Variants in ADGRB3 observed in about 807,000 individuals in gnomAD.
The protein encoded by ADGRB3 is adhesion G protein-coupled receptor B3.
In ADGRB3, 37 loss-of-function variants were observed where a neutral mutation model predicts 193.4. The ratio of observed to expected loss-of-function variants is 0.19; its 90% CI spans 0.15 to 0.25. ADGRB3 has a LOEUF of 0.25. Ranked by LOEUF, ADGRB3 falls within the 10% of genes least tolerant of loss-of-function variation. The probability of loss-of-function intolerance (pLI) is 1.00; values close to 1 mark genes in which losing one functional copy is unlikely to be tolerated. For missense variants in ADGRB3, 1,637 were observed against 1,852.9 expected (o/e 0.88, Z 2.14); for synonymous variants, 690 against 644.2 (o/e 1.07, Z -1.08).
Position 68,958,541 on chromosome 6 carries a change from A to G in ADGRB3, c.1525+1732A>G, listed in dbSNP as rs928196344. On this transcript the variant is annotated intron_variant, in intron 8 of 31. Coordinates refer to ENST00000370598, the MANE Select transcript of ADGRB3 (RefSeq NM_001704.3). ...AGCCAAGATAGTACTGCTGCAATCA[A>G]ATTTACAGAGATTGCCACCTGCTGT... Among the ~76,000 whole-genome samples the G allele has an allele frequency of 3.9e-5, 6 of 152,218 alleles. No individual in the cohort carries two copies. In the East Asian group the frequency reaches 9.7e-4, roughly 25 times the overall value.
chr6:68,856,461 G>A (rs1038549128), intron 3 of ADGRB3, among the ~76,000 whole-genome samples: 1 of 152,194 alleles, frequency 6.6e-6, no homozygotes, highest in Non-Finnish European at 1.5e-5. Flanking sequence ...GTCTCAGGTG[G>A]AGATGCAGAA....
chr6:68,642,456 C>A (rs1214642297), intron 3 of ADGRB3, among the ~76,000 whole-genome samples: 1 of 152,064 alleles, frequency 6.6e-6, no homozygotes, highest in Non-Finnish European at 1.5e-5. Flanking sequence ...TATTCATGTA[C>A]TGAAAAATTT....
At chr6:68,908,815 C>A (rs1766619186) in intron 3 of ADGRB3, among the ~76,000 whole-genome samples, 1 of 152,120 alleles carries the variant, frequency 6.6e-6, no homozygotes, top group South Asian at 2.1e-4. Context: ...AACTAATCCA[C>A]TTCTGTATTT....
rs1253156516 is a variant in ADGRB3, at chr6:69,031,032, CTCTTCTCTCTTCTCT to C, written c.2107+12537_2107+12551del. 4.7e-4 allele frequency among the ~76,000 whole-genome samples: 18 copies of C among 38,134 alleles called. 2 individuals are homozygous for C. The highest frequency in any genetic ancestry group is 2.3e-3 in the African/African-American group (17 of 7,468). The allele number at this position is 38,134 out of a possible 152,430, so 25.0% of individuals were successfully genotyped here. On this transcript the variant is annotated intron_variant, in intron 13 of 31. Transcript: ENST00000370598. Reference sequence around the variant, plus strand: ...TTTCTTTTCTTTTTTTTTTCCTCTTCTCTTCTCTCTTCTCTTCTCTTCTCTTCTCTTCTCTTCTCT... The same window carrying C: ...TTTCTTTTCTTTTTTTTTTCCTCTTCTCTCTTCTCTTCTCTTCTCTTCTCT...
chr6:68,852,120 A>T (rs1349916669), intron 3 of ADGRB3, among the ~76,000 whole-genome samples: 5 of 151,858 alleles, frequency 3.3e-5, no homozygotes, highest in Non-Finnish European at 7.4e-5. Flanking sequence ...TTTACAATTT[A>T]TATTTCCTCT....
intron 3 of ADGRB3, among the ~76,000 whole-genome samples, chr6:68,761,584 C>A (rs1247689549): frequency 6.6e-6 from 1 of 151,308 alleles, no homozygotes; most frequent in Admixed American, 6.6e-5. Context: ...CTGCTACGTT[C>A]CAAAATATGC....
intron 29 of ADGRB3, among the ~76,000 whole-genome samples, chr6:69,369,695 C>CAAAA (rs913608447): frequency 3.4e-5 from 2 of 59,516 alleles, no homozygotes; most frequent in Admixed American, 1.5e-4. Flanking sequence ...AAGACCATTT[C>CAAAA]AAAAAAAAAA....
At chr6:68,677,114 G>C (rs1031257873) in intron 3 of ADGRB3, among the ~76,000 whole-genome samples, 1 of 152,064 alleles carries the variant, frequency 6.6e-6, no homozygotes, top group Admixed American at 6.6e-5. Flanking sequence ...ATTACTATTT[G>C]GCAAGAATAC....
intron 10 of ADGRB3, 73 bp downstream of exon 10, chr6:68,975,413 T>C (rs868798731): frequency 2.6e-6 from 3 of 1,150,922 alleles, no homozygotes; most frequent in Middle Eastern, 3.9e-4. Flanking sequence ...GAATTTAACC[T>C]TCTGCTGTAC....
chr6:69,015,497 G>A (rs551334381), intron 12 of ADGRB3, among the ~76,000 whole-genome samples: 7 of 152,114 alleles, frequency 4.6e-5, no homozygotes, highest in African/African-American at 1.7e-4. Context: ...TTTACTAAAA[G>A]GCGGTGTCAT....
At chr6:69,265,199 G>A (rs181722486) in intron 20 of ADGRB3, among the ~76,000 whole-genome samples, 5 of 151,990 alleles carry the variant, frequency 3.3e-5, no homozygotes, top group Admixed American at 6.6e-5. Flanking sequence ...AATTTTGGAG[G>A]GTGAGTTCAG....
chr6:69,371,235 T>G (rs1022137314), intron 29 of ADGRB3, among the ~76,000 whole-genome samples: 6 of 152,186 alleles, frequency 3.9e-5, no homozygotes, highest in African/African-American at 1.4e-4. Context: ...GTTTGGGGAT[T>G]AGGTATACAG....
rs1770144239 is a variant in ADGRB3 at position 69,389,409 on chromosome 6, T to C, written c.*518T>C. ...AATAATATATTTCACATCTTTATTA[T>C]TGCAGTTTTCTCTAGAAAGCTCTGA... is the stretch of plus-strand genomic sequence containing the variant. On this transcript the variant is annotated 3_prime_UTR_variant, in exon 32 of 32. Transcript: ENST00000370598. The C allele has an allele frequency of 6.6e-6, 1 of 152,624 alleles. No homozygotes were observed. Among genetic ancestry groups the C allele is most frequent in the South Asian group, 2.1e-4 (1 of 4,834 alleles). The allele number at this position is 152,624 out of a possible 1,614,324, so 9.5% of individuals were successfully genotyped here.
chr6:69,358,982 G>C (rs1264649881), intron 28 of ADGRB3, among the ~76,000 whole-genome samples: 1 of 151,234 alleles, frequency 6.6e-6, no homozygotes, highest in East Asian at 1.9e-4. Flanking sequence ...AAATGTGTTG[G>C]CTATAATTAT....
intron 17 of ADGRB3, among the ~76,000 whole-genome samples, chr6:69,101,143 C>A (rs570336199): frequency 6.6e-6 from 1 of 151,888 alleles, no homozygotes; most frequent in East Asian, 1.9e-4. Context: ...TTAGTGGTTT[C>A]TGTGATGTCT....
At chr6:68,801,975 C>A (rs1053939195) in intron 3 of ADGRB3, among the ~76,000 whole-genome samples, 2 of 151,970 alleles carry the variant, frequency 1.3e-5, no homozygotes, top group African/African-American at 4.8e-5. Flanking sequence ...TGAAGCTGAC[C>A]CCAAAAAATT....
intron 17 of ADGRB3, among the ~76,000 whole-genome samples, chr6:69,108,386 T>G (rs1185469028): frequency 8.6e-6 from 1 of 115,734 alleles, no homozygotes; most frequent in Non-Finnish European, 1.9e-5. Context: ...GCAAGCTTCT[T>G]GTTTTTTTTT....
Position 69,310,360 on chromosome 6 carries a change from A to G in ADGRB3, c.2815-14512A>G, listed in dbSNP as rs923114784. Among the ~76,000 whole-genome samples, 66 of 151,854 alleles carry G rather than the reference A, an allele frequency of 4.3e-4. 2 individuals are homozygous for G. Among genetic ancestry groups the G allele is most frequent in the African/African-American group, 1.2e-3 (49 of 41,498 alleles). The stretch of plus-strand genomic sequence containing the variant: ...CCATTTCTAAACAAAGTTAGAGGTT[A>G]TTGTGTAATATACTGCTAATTTTTC... On this transcript the variant is annotated intron_variant, in intron 20 of 31. Transcript: ENST00000370598.
rs529549771 is a variant in ADGRB3, at chr6:69,137,965, A to G, written c.2480+61927A>G. Among the ~76,000 whole-genome samples the G allele has an allele frequency of 3.7e-4, 56 of 152,360 alleles. No individual in the cohort carries two copies. In the South Asian group the frequency reaches 0.01, roughly 28 times the overall value. ...AGTTGATAAACATATTGACACCTTT[A>G]GTATGTCTTCAGTTGTTGCCTTGGG... On this transcript the variant is annotated intron_variant, in intron 17 of 31. Coordinates refer to ENST00000370598, the MANE Select transcript of ADGRB3 (RefSeq NM_001704.3).
Sources: gnomAD v4.1 joint callset for allele counts (sites outside exome capture counted in the v4.1 genomes callset) on GRCh38, gnomAD v4.1.1 for gene constraint, MANE v1.5 for transcripts, NCBI Gene and HGNC (gene_info 2026-07-23, HGNC 2026-07-21) for gene names.